The following PRTFDC1 variants were observed in gnomAD, a reference collection of about 807,000 sequenced individuals.
PRTFDC1 encodes the protein phosphoribosyltransferase domain-containing protein 1.
Under a neutral mutation model 34.6 loss-of-function variants are expected in PRTFDC1, and 38 were observed. The ratio of observed to expected loss-of-function variants is 1.10; its 90% CI spans 0.85 to 1.44. The LOEUF (loss-of-function observed/expected upper bound fraction) is 1.44, where lower values mean the gene tolerates loss of function less well. Ranked by LOEUF, PRTFDC1 falls within the 40% of genes most tolerant of loss-of-function variation. The pLI is 0.00. For synonymous variants in PRTFDC1, 93 were observed against 98.1 expected (o/e 0.95, Z 0.31); for missense variants, 270 against 283.0 (o/e 0.95, Z 0.33).
At chr10:24,866,577 C>T (rs1414699446) in intron 4 of PRTFDC1, among the ~76,000 whole-genome samples, 1 of 151,792 alleles carries the variant, frequency 6.6e-6, no homozygotes, top group African/African-American at 2.4e-5. Flanking sequence ...TATGAAGTGC[C>T]AATATTAAAT....
At chr10:24,882,305 G>C (rs1848092409) in intron 3 of PRTFDC1, among the ~76,000 whole-genome samples, 1 of 151,906 alleles carries the variant, frequency 6.6e-6, no homozygotes, top group African/African-American at 2.4e-5. Context: ...CTGCATGGGT[G>C]CCCCAATGAC....
intron 1 of PRTFDC1, among the ~76,000 whole-genome samples, chr10:24,946,593 C>A (rs1286245848): frequency 1.3e-5 from 2 of 152,076 alleles, no homozygotes; most frequent in African/African-American, 2.4e-5. Flanking sequence ...AGACCTTGGG[C>A]ATATTAAATT....
chr10:24,861,938 C>T (rs565336394), intron 4 of PRTFDC1, among the ~76,000 whole-genome samples: 25 of 151,878 alleles, frequency 1.6e-4, no homozygotes, highest in South Asian at 1.0e-3. Flanking sequence ...TGCGCCCAGC[C>T]GTGTATTCAT....
At chr10:24,889,982 A>G (rs998061792) in intron 3 of PRTFDC1, among the ~76,000 whole-genome samples, 6 of 152,222 alleles carry the variant, frequency 3.9e-5, no homozygotes, top group African/African-American at 1.4e-4. Context: ...AGCACAAAAC[A>G]CTGCACATCT....
chr10:24,857,684 G>T (rs1292759090), intron 5 of PRTFDC1, among the ~76,000 whole-genome samples: 1 of 152,100 alleles, frequency 6.6e-6, no homozygotes, highest in Non-Finnish European at 1.5e-5. Flanking sequence ...TACTCCATGG[G>T]TTATACTGAG....
At chr10:24,905,895 C>A (rs1264374780) in intron 3 of PRTFDC1, among the ~76,000 whole-genome samples, 1 of 152,152 alleles carries the variant, frequency 6.6e-6, no homozygotes, top group African/African-American at 2.4e-5. Context: ...GCTCCCTCCT[C>A]TCACCACTCC....
Position 24,937,277 on chromosome 10 carries a change from A to C in PRTFDC1, c.246T>G (p.Cys82Trp), listed in dbSNP as rs1222503094. 6.2e-7 allele frequency: 1 copy of C among 1,614,012 alleles called. No individual in the cohort carries two copies. Among genetic ancestry groups the C allele is most frequent in the East Asian group, 2.2e-5 (1 of 44,862 alleles). Residue 82 changes from cysteine to tryptophan, a missense_variant, in exon 3 of 9, where the codon TGT becomes TGG. Transcript: ENST00000320152. Reference protein sequence around the residue: ...LCVLKGGYKFCADLVEHLKNI... With the variant: ...LCVLKGGYKFWADLVEHLKNI... ...TCTTAAGGTGTTCTACGAGATCAGCACAGAATTTGTAACCTCCTTTAAGCA... is the reference window on the plus strand; with the variant it reads ...TCTTAAGGTGTTCTACGAGATCAGCCCAGAATTTGTAACCTCCTTTAAGCA...
chr10:24,849,855 A>G lies in PRTFDC1; in HGVS notation c.667T>C (p.Tyr223His), dbSNP rs1395949242. ...CVINEHGKEK[Y>H]RV The stretch of plus-strand genomic sequence containing the variant: ...GAGAATTCATGTCTTTAGACTCGAT[A>G]TTTTTCTTTACCGTGCTCATTGATG... Residue 223 changes from tyrosine to histidine, a missense_variant, in exon 9 of 9, where the codon TAT becomes CAT. By Grantham distance (83) the Tyr-to-His change is moderately conservative. Coordinates refer to ENST00000320152, the MANE Select transcript of PRTFDC1 (RefSeq NM_020200.7). 1.2e-6 allele frequency: 2 copies of G among 1,613,738 alleles called. No homozygotes were observed. The highest frequency in any genetic ancestry group is 1.7e-5 in the Admixed American group (1 of 59,986).
chr10:24,891,076 G>A (rs1241859737), intron 3 of PRTFDC1, among the ~76,000 whole-genome samples: 3 of 152,144 alleles, frequency 2.0e-5, no homozygotes, highest in East Asian at 1.9e-4. Flanking sequence ...AATGTACTTT[G>A]GGCATAGTCA....
chr10:24,929,052 A>AAAAAAAAAAG lies in PRTFDC1; in HGVS notation c.339+8131_339+8132insCTTTTTTTTT, dbSNP rs1554765607. ...GCAGACTCCGTCTCAAAAAAAAAAA[A>AAAAAAAAAAG]AAAGAAAGAAAGAAAGAAAGAAAGG... On this transcript the variant is annotated intron_variant, in intron 3 of 8. Transcript: ENST00000320152. 1.1e-3 allele frequency among the ~76,000 whole-genome samples: 128 copies of AAAAAAAAAAG among 116,524 alleles called. 1 individual carries two copies. The highest frequency in any genetic ancestry group is 1.4e-3 in the Non-Finnish European group (83 of 59,098). The allele number at this position is 116,524 out of a possible 152,430, so 76.4% of individuals were successfully genotyped here.
At chr10:24,859,973 T>C (rs779543104) in intron 4 of PRTFDC1, among the ~76,000 whole-genome samples, 9 of 152,252 alleles carry the variant, frequency 5.9e-5, no homozygotes, top group African/African-American at 1.4e-4. Context: ...AATTAAAATA[T>C]GACTGTTAAT....
chr10:24,865,389 C>T (rs1212019454), intron 4 of PRTFDC1, among the ~76,000 whole-genome samples: 1 of 152,162 alleles, frequency 6.6e-6, no homozygotes, highest in African/African-American at 2.4e-5. Flanking sequence ...CTTCTCTTTT[C>T]AGTACACACC....
At chr10:24,891,829 A>G (rs1478571962) in intron 3 of PRTFDC1, among the ~76,000 whole-genome samples, 2 of 152,176 alleles carry the variant, frequency 1.3e-5, no homozygotes, top group African/African-American at 4.8e-5. Context: ...CAAGCAATAA[A>G]GGACAGAAAT....
chr10:24,895,542 C>T (rs577273879), intron 3 of PRTFDC1, among the ~76,000 whole-genome samples: 73 of 151,168 alleles, frequency 4.8e-4, no homozygotes, highest in African/African-American at 1.4e-3. Flanking sequence ...TGAGCCACCA[C>T]GCCCAGTCTT....
At chr10:24,872,814 T>A (rs1461479184) in intron 3 of PRTFDC1, among the ~76,000 whole-genome samples, 2,031 of 131,986 alleles carry the variant, frequency 0.015, 59 homozygotes, top group African/African-American at 0.061. Context: ...ATATTTTTTT[T>A]TTTTTTTTTT....
intron 5 of PRTFDC1, 77 bp downstream of exon 5, chr10:24,858,315 A>T (rs1313439539): frequency 1.3e-6 from 2 of 1,506,282 alleles, no homozygotes; most frequent in Admixed American, 1.7e-5. Flanking sequence ...GGTCAATTTG[A>T]TAACAAGGTT....
rs1849363924 is a variant in PRTFDC1, at chr10:24,952,545, A to ACGT, written c.30_31insACG (p.Asp10_Tyr11insThr). 6.3e-7 allele frequency: 1 copy of ACGT among 1,591,226 alleles called. No individual in the cohort carries two copies. The highest frequency in any genetic ancestry group is 8.6e-7 in the Non-Finnish European group (1 of 1,168,588). On this transcript the variant is annotated inframe_insertion, in exon 1 of 9. Transcript: ENST00000320152. The surrounding 1 kb of genome is among the most constrained non-coding windows in gnomAD (Gnocchi z 5.1). The stretch of plus-strand genomic sequence containing the variant: ...GCATTTACCACGACGCCTCGCCCGT[A>ACGT]GTCTGGCGCCTCCTCGCTGCTCCCG...
intron 3 of PRTFDC1, among the ~76,000 whole-genome samples, chr10:24,917,309 G>T (rs1848709486): frequency 6.6e-6 from 1 of 152,258 alleles, no homozygotes; most frequent in Non-Finnish European, 1.5e-5. Context: ...CTCTGCAATG[G>T]GATGCAGAAA....
In PRTFDC1 at chr10:24,898,148, C is replaced by T. The variant is rs116964616; in HGVS notation, c.340-26085G>A. ...TGAACTAATTTAAACAGAAAGGTGA[C>T]TGATGGAAAAGAAGAGCTGAGGCTG... is the stretch of plus-strand genomic sequence containing the variant. On this transcript the variant is annotated intron_variant, in intron 3 of 8. Transcript: ENST00000320152. Among the ~76,000 whole-genome samples the T allele has an allele frequency of 3.7e-3, 561 of 151,922 alleles. 20 individuals are homozygous for T. In the East Asian group the frequency reaches 0.085, roughly 23 times the overall value.
Sources: gnomAD v4.1 joint callset for allele counts (sites outside exome capture counted in the v4.1 genomes callset) on GRCh38, gnomAD v4.1.1 for gene constraint, Gnocchi (gnomAD v3.1) non-coding constraint, MANE v1.5 for transcripts, NCBI Gene and HGNC (gene_info 2026-07-23, HGNC 2026-07-21) for gene names.